Variants in VCAN observed in about 807,000 individuals in gnomAD.
VCAN encodes versican.
Under a neutral mutation model 245.5 loss-of-function variants are expected in VCAN, and 44 were observed. The observed-to-expected ratio is 0.18, with a 90% CI of 0.14 to 0.23. VCAN has a LOEUF of 0.23. Among genes scored for constraint, VCAN ranks in the 10% least tolerant of loss-of-function variants. The probability of loss-of-function intolerance (pLI) is 1.00; values close to 1 mark genes in which losing one functional copy is unlikely to be tolerated. For missense variants in VCAN, 3,793 were observed against 4,057.9 expected (o/e 0.93, Z 1.77); for synonymous variants, 1,413 against 1,437.0 (o/e 0.98, Z 0.38).
intron 13 of VCAN, among the ~76,000 whole-genome samples, chr5:83,573,356 G>T (rs1748360654): frequency 6.6e-6 from 1 of 152,038 alleles, no homozygotes. Context: ...GTGGTTTGAA[G>T]TACTAGAGCT....
At chr5:83,533,816 T>C (rs889844038) in intron 7 of VCAN, among the ~76,000 whole-genome samples, 5 of 152,092 alleles carry the variant, frequency 3.3e-5, no homozygotes, top group African/African-American at 9.7e-5. Flanking sequence ...CTATGAGCAA[T>C]TGGAAGTGTT....
chr5:83,541,908 G>A lies in VCAN; in HGVS notation c.8905G>A (p.Glu2969Lys), dbSNP rs370989715. The A allele has an allele frequency of 2.9e-5, 47 of 1,614,058 alleles. No individual in the cohort carries two copies. In the African/African-American group the frequency reaches 5.9e-4, roughly 20 times the overall value. Reference protein sequence around the residue: ...VITTADEIELEGATQWPHSTS... With the variant: ...VITTADEIELKGATQWPHSTS... ...TACAACTGCCGATGAAATTGAATTA[G>A]AAGGTGCTACACAGTGGCCACACTC... Residue 2969 changes from glutamate to lysine, a missense_variant, in exon 8 of 15, where the codon GAA (glutamate) becomes AAA (lysine). Glu to Lys is a moderately conservative substitution (Grantham distance 56, BLOSUM62 1). Around this residue, in one of 5 missense-constraint regions of VCAN, gnomAD observed 3,182 missense variants for 3,250.3 expected, o/e 0.98. Coordinates refer to ENST00000265077, the MANE Select transcript of VCAN (RefSeq NM_004385.5).
chr5:83,537,096 C>A lies in VCAN; in HGVS notation c.4093C>A (p.His1365Asn), dbSNP rs1319209136. Residue 1365 changes from histidine (H) to asparagine (N), a missense_variant, in exon 8 of 15, where the codon CAT becomes AAT. His to Asn is a moderately conservative substitution (Grantham distance 68). Around this residue, in one of 5 missense-constraint regions of VCAN, gnomAD observed 3,182 missense variants for 3,250.3 expected, o/e 0.98. Coordinates refer to ENST00000265077, the MANE Select transcript of VCAN (RefSeq NM_004385.5). ...TTGTAGTGAAGAAACAGATCCAGTG[C>A]ATGATCTAATGGCTGAAATTTTACC... ...EPCSEETDPV[H>N]DLMAEILPEF... The A allele has an allele frequency of 6.2e-7, 1 of 1,613,822 alleles. No homozygotes were observed.
In VCAN at chr5:83,537,069, C is replaced by G; in HGVS notation, c.4066C>G (p.Pro1356Ala). The G allele has an allele frequency of 1.9e-6, 3 of 1,613,406 alleles. No homozygotes were observed. Among genetic ancestry groups the G allele is most frequent in the Non-Finnish European group, 2.5e-6 (3 of 1,179,736 alleles). ...PIDSESKEDE[P>A]CSEETDPVHD... Reference sequence around the variant, plus strand: ...AGATTCAGAATCTAAAGAAGATGAACCTTGTAGTGAAGAAACAGATCCAGT... The same window carrying G: ...AGATTCAGAATCTAAAGAAGATGAAGCTTGTAGTGAAGAAACAGATCCAGT... Residue 1356 changes from proline (P) to alanine (A), a missense_variant, in exon 8 of 15, where the codon CCT becomes GCT. Around this residue, in one of 5 missense-constraint regions of VCAN, gnomAD observed 3,182 missense variants for 3,250.3 expected, o/e 0.98. Transcript: ENST00000265077.
At chr5:83,533,132 A>G (rs1211082008) in intron 7 of VCAN, among the ~76,000 whole-genome samples, 11 of 152,146 alleles carry the variant, frequency 7.2e-5, no homozygotes, top group Admixed American at 6.6e-4. Context: ...TATTTTATTT[A>G]TATGTAGATT....
chr5:83,562,013 A>G (rs991295792), intron 12 of VCAN: 15 of 152,172 alleles, frequency 9.9e-5, no homozygotes, highest in Admixed American at 4.6e-4. Flanking sequence ...ACAAAAATTT[A>G]AGTTTTCCTT....
intron 11 of VCAN, among the ~76,000 whole-genome samples, chr5:83,554,671 G>A (rs1248820704): frequency 6.6e-6 from 1 of 152,098 alleles, no homozygotes; most frequent in East Asian, 1.9e-4. Context: ...TTTCTATCAT[G>A]AGTGAGGGTG....
chr5:83,514,538 C>T (rs929680206), intron 6 of VCAN, among the ~76,000 whole-genome samples: 3 of 151,472 alleles, frequency 2.0e-5, no homozygotes, highest in Non-Finnish European at 4.4e-5. Context: ...GCAAGCTTCA[C>T]CTTCCAGGTT....
In VCAN at chr5:83,580,508, C is replaced by T. The variant is rs1319053472; in HGVS notation, c.*74C>T. 88 of 1,593,146 alleles carry T rather than the reference C, an allele frequency of 5.5e-5. No individual in the cohort carries two copies. Among genetic ancestry groups the T allele is most frequent in the Non-Finnish European group, 7.2e-5 (84 of 1,168,428 alleles). On this transcript the variant is annotated 3_prime_UTR_variant, in exon 15 of 15. Coordinates refer to ENST00000265077, the MANE Select transcript of VCAN (RefSeq NM_004385.5). ...ACTTCCTGTGCCTTTCCTATCACCT[C>T]GAGAAGTAATTATCAGTTGGTTTGG...
chr5:83,480,795 G>T (rs1190237292), intron 1 of VCAN, among the ~76,000 whole-genome samples: 1 of 152,066 alleles, frequency 6.6e-6, no homozygotes, highest in Non-Finnish European at 1.5e-5. Flanking sequence ...GGTAACCTAG[G>T]TTATAATTTT....
chr5:83,561,468 C>T (rs1311559144), intron 12 of VCAN, among the ~76,000 whole-genome samples: 3 of 152,054 alleles, frequency 2.0e-5, no homozygotes, highest in Non-Finnish European at 4.4e-5. Flanking sequence ...GAAGATAACT[C>T]AATTTTGCAT....
chr5:83,496,762 A>G (rs967676268), intron 5 of VCAN, among the ~76,000 whole-genome samples: 2 of 152,218 alleles, frequency 1.3e-5, no homozygotes, highest in African/African-American at 4.8e-5. Flanking sequence ...TAAGAGGAAG[A>G]TCACAAAATC....
In VCAN at chr5:83,490,127, G is replaced by A. The variant is rs1744928978; in HGVS notation, c.100G>A (p.Gly34Ser). The A allele has an allele frequency of 1.2e-6, 2 of 1,613,950 alleles. No individual in the cohort carries two copies. The highest frequency in any genetic ancestry group is 1.7e-6 in the Non-Finnish European group (2 of 1,179,990). Residue 34 changes from glycine (G) to serine (S), a missense_variant, in exon 3 of 15, where the codon GGC becomes AGC. This residue lies in a region of VCAN where 179 missense variants were observed against 169.7 expected (regional missense o/e 1.05). Transcript: ENST00000265077. ...VKVGKSPPVR[G>S]SLSGKVSLPC... ...AGTGGGAAAAAGCCCACCGGTGAGG[G>A]GCTCCCTCTCTGGAAAAGTCAGCCT...
chr5:83,536,920 G>GT, intron 7 of VCAN, 87 bp from the exon 8 acceptor site: 1 of 1,106,308 alleles, frequency 9.0e-7, no homozygotes. Context: ...TTGTGTGTGT[G>GT]GGTGTGACCA....
chr5:83,512,473 C>CCTA, intron 6 of VCAN, 77 bp downstream of exon 6: 1 of 1,513,730 alleles, frequency 6.6e-7, no homozygotes, highest in South Asian at 1.2e-5. Context: ...TTCAACTAGC[C>CCTA]GTTGGAGTGG....
rs1484413455 is a variant in VCAN, at chr5:83,580,760, C to T, written c.*326C>T. ...TATTTAAAATGCTCAATTTCAGCAC[C>T]GATGGCCATGTAAATAAGATGATTT... On this transcript the variant is annotated 3_prime_UTR_variant, in exon 15 of 15. Coordinates refer to ENST00000265077, the MANE Select transcript of VCAN (RefSeq NM_004385.5). 3.4e-5 allele frequency: 12 copies of T among 349,840 alleles called. No homozygotes were observed. The highest frequency in any genetic ancestry group is 2.8e-4 in the Admixed American group (7 of 25,360). 21.7% of individuals were successfully genotyped at this position (349,840 alleles called of 1,614,324 possible). A position where few individuals can be genotyped will look rare whatever the true frequency, so the allele number is the denominator to read the frequency against.
Position 83,521,951 on chromosome 5 carries a change from C to T in VCAN, c.3645C>T (p.Asp1215=), listed in dbSNP as rs757837187. The change falls in exon 7 of 15, where the codon GAC becomes GAT. Residue 1215 remains aspartate, a synonymous_variant. Coordinates refer to ENST00000265077, the MANE Select transcript of VCAN (RefSeq NM_004385.5). ...TTACCACTGCCTTCAGTTCAGTAGACAGACTTCACACAACTTCAGCATTCA... is the reference window on the plus strand; with the variant it reads ...TTACCACTGCCTTCAGTTCAGTAGATAGACTTCACACAACTTCAGCATTCA... ...SDITTAFSSV[D]RLHTTSAFKP... 1 of 1,614,200 alleles carries T rather than the reference C, an allele frequency of 6.2e-7. No homozygotes were observed. The highest frequency in any genetic ancestry group is 1.1e-5 in the South Asian group (1 of 91,082).
intron 6 of VCAN, among the ~76,000 whole-genome samples, chr5:83,515,069 T>G (rs1745799693): frequency 6.6e-6 from 1 of 152,224 alleles, no homozygotes; most frequent in Non-Finnish European, 1.5e-5. Flanking sequence ...AGTCACTGAC[T>G]AAAACATTCA....
intron 12 of VCAN, among the ~76,000 whole-genome samples, chr5:83,556,829 A>T (rs554314746): frequency 1.3e-5 from 2 of 152,302 alleles, no homozygotes; most frequent in East Asian, 3.9e-4. Flanking sequence ...AGCTGTTTTT[A>T]TAATTTTATT....
Sources: gnomAD v4.1 joint callset for allele counts (sites outside exome capture counted in the v4.1 genomes callset) on GRCh38, gnomAD v4.1.1 for gene constraint, gnomAD v4.1.1 regional missense constraint, MANE v1.5 for transcripts, NCBI Gene and HGNC (gene_info 2026-07-23, HGNC 2026-07-21) for gene names.